VPS13A: variants seen among roughly 807,000 people sequenced by gnomAD.
VPS13A encodes intermembrane lipid transfer protein VPS13A.
In VPS13A, 264 loss-of-function variants were observed where a neutral mutation model predicts 390.9. That is an observed-to-expected ratio of 0.68 (90% CI 0.61 to 0.75). VPS13A has a LOEUF of 0.75. VPS13A is among the 30% of genes least tolerant of loss of function. The pLI is 0.00. For missense variants in VPS13A, 3,409 were observed against 3,733.9 expected (o/e 0.91, Z 2.27); for synonymous variants, 1,231 against 1,227.1 (o/e 1.00, Z -0.07).
chr9:77,259,364 G>A (rs1049147171), intron 22 of VPS13A, among the ~76,000 whole-genome samples: 13 of 152,100 alleles, frequency 8.5e-5, no homozygotes, highest in Admixed American at 2.6e-4. Flanking sequence ...CTACTACTAC[G>A]CTTGTGATTA....
chr9:77,331,250 C>T (rs1830261481), intron 45 of VPS13A, among the ~76,000 whole-genome samples: 1 of 151,900 alleles, frequency 6.6e-6, no homozygotes, highest in Admixed American at 6.6e-5. Flanking sequence ...GAGCAGAATT[C>T]CTAAGAAGAA....
At chr9:77,182,882 T>C (rs1306057309) in intron 1 of VPS13A, among the ~76,000 whole-genome samples, 1 of 152,178 alleles carries the variant, frequency 6.6e-6, no homozygotes, top group African/African-American at 2.4e-5. Context: ...GAATCATGTG[T>C]TTAGTGGCCA....
chr9:77,292,794 G>C (rs181399684), intron 31 of VPS13A, among the ~76,000 whole-genome samples: 1 of 152,078 alleles, frequency 6.6e-6, no homozygotes, highest in African/African-American at 2.4e-5. Context: ...TTATTGCAGA[G>C]CTTGAGATTT....
rs556164638 is a variant in VPS13A at position 77,343,889 on chromosome 9, A to T, written c.7027-264A>T. Among the ~76,000 whole-genome samples the T allele has an allele frequency of 1.2e-3, 188 of 152,298 alleles. 2 individuals carry two copies. The highest frequency in any genetic ancestry group is 6.8e-3 in the South Asian group (33 of 4,828). On this transcript the variant is annotated intron_variant, in intron 50 of 71. Coordinates refer to ENST00000360280, the MANE Select transcript of VPS13A (RefSeq NM_033305.3). ...CCCTTCTCTGTAAGATCATGACCAC[A>T]TTAAAGTCTCTTTTCTCGCCAGCAG... is the stretch of plus-strand genomic sequence containing the variant.
At chr9:77,249,936 A>G (rs1825059252) in intron 20 of VPS13A, among the ~76,000 whole-genome samples, 161 bp from the exon 21 acceptor site, 1 of 152,176 alleles carries the variant, frequency 6.6e-6, no homozygotes, top group Non-Finnish European at 1.5e-5. Flanking sequence ...CCTTATTATT[A>G]TATATCTCAT....
At chr9:77,330,280 T>G (rs1830215839) in intron 45 of VPS13A, among the ~76,000 whole-genome samples, 1 of 152,162 alleles carries the variant, frequency 6.6e-6, no homozygotes, top group African/African-American at 2.4e-5. Flanking sequence ...CCTCCCAAAG[T>G]GCTGGAATTA....
At chr9:77,297,214 A>G (rs961299792) in intron 33 of VPS13A, among the ~76,000 whole-genome samples, 1 of 151,684 alleles carries the variant, frequency 6.6e-6, no homozygotes, top group Non-Finnish European at 1.5e-5. Flanking sequence ...GATTTGAAAC[A>G]TTTCTTCTTT....
intron 5 of VPS13A, among the ~76,000 whole-genome samples, chr9:77,206,324 A>AG (rs1825635397): frequency 9.1e-6 from 1 of 109,398 alleles, no homozygotes; most frequent in Non-Finnish European, 1.9e-5. Context: ...AGGTTTACAT[A>AG]TTTTTTATAT....
At chr9:77,266,199 GT>G in intron 23 of VPS13A, among the ~76,000 whole-genome samples, 2 of 152,284 alleles carry the variant, frequency 1.3e-5, no homozygotes, top group East Asian at 3.9e-4. Context: ...GCTGAAGCTT[GT>G]TTTACCTTCA....
In VPS13A at chr9:77,275,652, G is replaced by A. The variant is rs372489983; in HGVS notation, c.2667G>A (p.Lys889=). 1 of 1,612,452 alleles carries A rather than the reference G, an allele frequency of 6.2e-7. No individual in the cohort carries two copies. Among genetic ancestry groups the A allele is most frequent in the African/African-American group, 1.3e-5 (1 of 74,824 alleles). Residue 889 remains lysine, a splice_region_variant and synonymous_variant, in exon 25 of 72, where the codon AAG becomes AAA. Coordinates refer to ENST00000360280, the MANE Select transcript of VPS13A (RefSeq NM_033305.3). ...TTFKIRFEVP[K]VLIEFYHLVG... ...TTAAAATAAGATTTGAAGTACCAAA[G>A]GTAGGTACTACGGTAAAATTAACAT... is the stretch of plus-strand genomic sequence containing the variant.
chr9:77,323,995 T>A (rs1180644741), intron 45 of VPS13A, among the ~76,000 whole-genome samples: 3 of 151,320 alleles, frequency 2.0e-5, no homozygotes, highest in African/African-American at 7.2e-5. Context: ...ACCATATGGA[T>A]TTTTTTTCCA....
At chr9:77,367,939 G>A (rs931540417) in intron 61 of VPS13A, 116 bp from the exon 62 acceptor site, 2 of 951,856 alleles carry the variant, frequency 2.1e-6, no homozygotes, top group South Asian at 1.4e-5. Flanking sequence ...ATGGGAAAAT[G>A]TACTAGAAGG....
intron 1 of VPS13A, among the ~76,000 whole-genome samples, chr9:77,195,256 T>G (rs1824920653): frequency 6.6e-6 from 1 of 152,084 alleles, no homozygotes; most frequent in Non-Finnish European, 1.5e-5. Flanking sequence ...CCCGAGTAGC[T>G]GGTACTGCAG....
intron 17 of VPS13A, among the ~76,000 whole-genome samples, chr9:77,231,846 A>T (rs1382589902): frequency 2.0e-5 from 3 of 152,008 alleles, no homozygotes; most frequent in African/African-American, 7.2e-5. Context: ...GTGAACGTCT[A>T]CTCCAGTATT....
intron 46 of VPS13A, among the ~76,000 whole-genome samples, chr9:77,333,365 CTAAG>C (rs970028542): frequency 1.3e-5 from 2 of 150,692 alleles, no homozygotes; most frequent in Non-Finnish European, 2.9e-5. Context: ...TTGTTACTGA[CTAAG>C]TACTTCATCT....
At chr9:77,271,524 G>A (rs149627641) in intron 23 of VPS13A, among the ~76,000 whole-genome samples, 231 of 152,198 alleles carry the variant, frequency 1.5e-3, no homozygotes, top group Non-Finnish European at 2.6e-3. Flanking sequence ...TCACAGTAGG[G>A]TTATTCATAA....
chr9:77,275,638 T>C lies in VPS13A; in HGVS notation c.2653T>C (p.Phe885Leu). Residue 885 changes from phenylalanine (F) to leucine (L), a missense_variant, in exon 25 of 72, where the codon TTT (phenylalanine) becomes CTT (leucine). Physicochemically the swap from Phe to Leu is conservative, Grantham distance 22. Coordinates refer to ENST00000360280, the MANE Select transcript of VPS13A (RefSeq NM_033305.3). Reference protein sequence around the residue: ...SVNMTTFKIRFEVPKVLIEFY... With the variant: ...SVNMTTFKIRLEVPKVLIEFY... The stretch of plus-strand genomic sequence containing the variant: ...AAATATGACTACATTTAAAATAAGA[T>C]TTGAAGTACCAAAGGTAGGTACTAC... 6.2e-7 allele frequency: 1 copy of C among 1,613,464 alleles called. No homozygotes were observed. Among genetic ancestry groups the C allele is most frequent in the Non-Finnish European group, 8.5e-7 (1 of 1,179,596 alleles).
chr9:77,271,208 G>A (rs1418255634), intron 23 of VPS13A, among the ~76,000 whole-genome samples: 1 of 152,146 alleles, frequency 6.6e-6, no homozygotes, highest in Middle Eastern at 3.4e-3. Flanking sequence ...AAAGATGTTC[G>A]ACTTTATTAC....
chr9:77,178,646 C>A (rs1823809571), intron 1 of VPS13A, among the ~76,000 whole-genome samples: 1 of 152,144 alleles, frequency 6.6e-6, no homozygotes, highest in South Asian at 2.1e-4. Context: ...CCGAGCTTTC[C>A]TTGTGTCCGT....
Sources: allele counts gnomAD v4.1 joint callset (sites outside exome capture counted in the v4.1 genomes callset), GRCh38; gene constraint gnomAD v4.1.1; transcripts MANE v1.5; gene names NCBI Gene and HGNC (gene_info 2026-07-23, HGNC 2026-07-21).